The following PCDHA12 variants were observed in gnomAD, a reference collection of about 807,000 sequenced individuals.
PCDHA12 encodes the protein protocadherin alpha-12.
A neutral mutation model predicts 60.0 loss-of-function variants in PCDHA12; 44 were observed. That is an observed-to-expected ratio of 0.73 (90% CI 0.58 to 0.94). PCDHA12 has a LOEUF of 0.94. Among genes scored for constraint, PCDHA12 ranks in the 40% least tolerant of loss-of-function variants. The pLI, the probability that PCDHA12 is intolerant of heterozygous loss-of-function variation, is 0.00. For synonymous variants in PCDHA12, 569 were observed against 553.0 expected (o/e 1.03, Z -0.40); for missense variants, 1,276 against 1,239.7 (o/e 1.03, Z -0.44).
intron 1 of PCDHA12, among the ~76,000 whole-genome samples, chr5:140,942,239 T>C (rs1554214876): frequency 6.6e-6 from 1 of 152,156 alleles, no homozygotes; most frequent in African/African-American, 2.4e-5. Context: ...AAATAAGATA[T>C]CCATATCATT....
In PCDHA12 at chr5:141,011,905, G is replaced by C. The variant is rs1400272126; in HGVS notation, c.*1968G>C. 4 of 153,222 alleles carry C rather than the reference G, an allele frequency of 2.6e-5. No individual in the cohort carries two copies. Among genetic ancestry groups the C allele is most frequent in the African/African-American group, 9.7e-5 (4 of 41,224 alleles). The allele number at this position is 153,222 out of a possible 1,614,324, so 9.5% of individuals were successfully genotyped here. A position where few individuals can be genotyped will look rare whatever the true frequency, so the allele number is the denominator to read the frequency against. ...TTGATTAATTATATTATCTATTTAG[G>C]CATTAATATAAAAGAGGTAGGAGTC... On this transcript the variant is annotated 3_prime_UTR_variant, in exon 4 of 4. Coordinates refer to ENST00000398631, the MANE Select transcript of PCDHA12 (RefSeq NM_018903.4).
rs782182425 is a variant in PCDHA12 at position 140,876,300 on chromosome 5, A to C, written c.828A>C (p.Glu276Asp). The change falls in exon 1 of 4, where the codon GAA (glutamate) becomes GAC (aspartate). Residue 276 changes from glutamate to aspartate, a missense_variant. Physicochemically the swap from Glu to Asp is conservative, Grantham distance 45. Coordinates refer to ENST00000398631, the MANE Select transcript of PCDHA12 (RefSeq NM_018903.4). ...ATCCAGACGAAGGACTTAATGGAGA[A>C]ATTTCCTATGGGATCAAAATGATTT... ...ASDPDEGLNG[E>D]ISYGIKMILP... 2.1e-5 allele frequency: 34 copies of C among 1,613,966 alleles called. No individual in the cohort carries two copies. Among genetic ancestry groups the C allele is most frequent in the Non-Finnish European group, 2.9e-5 (34 of 1,179,910 alleles).
chr5:141,001,359 T>C (rs186629026), intron 3 of PCDHA12, among the ~76,000 whole-genome samples: 4 of 152,344 alleles, frequency 2.6e-5, no homozygotes, highest in Admixed American at 1.3e-4. Context: ...GGTTTAAGCC[T>C]ACTATTCTGA....
Position 140,877,553 on chromosome 5 carries a change from T to C in PCDHA12, c.2081T>C (p.Val694Ala), listed in dbSNP as rs781933436. The C allele has an allele frequency of 1.9e-6, 3 of 1,613,720 alleles. No individual in the cohort carries two copies. The South Asian group carries it at 3.3e-5, about 18-fold the overall frequency. The change falls in exon 1 of 4, where the codon GTG (valine) becomes GCG (alanine). Residue 694 changes from valine (V) to alanine (A), a missense_variant. Val to Ala is a moderately conservative substitution (Grantham distance 64). Coordinates refer to ENST00000398631, the MANE Select transcript of PCDHA12 (RefSeq NM_018903.4). ...VGAVDPEAAL[V>A]DINVYLIIAI... ...GCTGTGGATCCCGAAGCGGCTCTGG[T>C]GGATATTAACGTGTACCTCATCATC...
rs2056299947 is a variant in PCDHA12, at chr5:140,876,345, T to C, written c.873T>C (p.Cys291=). The C allele has an allele frequency of 6.2e-7, 1 of 1,614,024 alleles. No individual in the cohort carries two copies. The highest frequency in any genetic ancestry group is 8.5e-7 in the Non-Finnish European group (1 of 1,179,898). Residue 291 remains cysteine (C), a synonymous_variant, in exon 1 of 4, where the codon TGT becomes TGC. Coordinates refer to ENST00000398631, the MANE Select transcript of PCDHA12 (RefSeq NM_018903.4). The stretch of plus-strand genomic sequence containing the variant: ...TGATTTTGCCAGTGAGTGAGAAATG[T>C]ATGTTTTCAATAAATCCAGACACAG... ...IKMILPVSEK[C]MFSINPDTGE...
intron 2 of PCDHA12, 155 bp downstream of exon 2, chr5:140,979,162 T>C: frequency 2.1e-6 from 2 of 975,444 alleles, no homozygotes; most frequent in Non-Finnish European, 2.4e-6. Context: ...TGTTTATTCC[T>C]TGAAAGATCG....
At chr5:140,930,649 G>A (rs1300720133) in intron 1 of PCDHA12, among the ~76,000 whole-genome samples, 1 of 152,156 alleles carries the variant, frequency 6.6e-6, no homozygotes, top group Non-Finnish European at 1.5e-5. Context: ...GGAAAATGAA[G>A]CATTCCTTGT....
chr5:140,928,551 G>C, intron 1 of PCDHA12: 1 of 1,614,164 alleles, frequency 6.2e-7, no homozygotes, highest in Non-Finnish European at 8.5e-7. Context: ...ACAATTATCC[G>C]GTTATCTTGT....
At chr5:140,988,877 G>A (rs372950279) in intron 3 of PCDHA12, 8 of 152,310 alleles carry the variant, frequency 5.3e-5, no homozygotes, top group East Asian at 3.9e-4. Context: ...TCAGATGTAC[G>A]ATCCTGGATA....
intron 1 of PCDHA12, among the ~76,000 whole-genome samples, chr5:140,890,883 G>T (rs1339331273): frequency 1.3e-5 from 2 of 152,064 alleles, no homozygotes; most frequent in Non-Finnish European, 2.9e-5. Flanking sequence ...CCTTTCATCA[G>T]GGATTATTGT....
intron 1 of PCDHA12, among the ~76,000 whole-genome samples, chr5:140,959,620 G>GA (rs1247214459): frequency 4.6e-5 from 7 of 151,966 alleles, no homozygotes; most frequent in African/African-American, 1.4e-4. Context: ...GCTTGTGATA[G>GA]AAAAAAAGAG....
At chr5:140,882,823 T>C (rs2059326985) in intron 1 of PCDHA12, 1 of 1,614,160 alleles carries the variant, frequency 6.2e-7, no homozygotes, top group Non-Finnish European at 8.5e-7. Flanking sequence ...CACAAAACAG[T>C]CTTGAGCAAA....
intron 3 of PCDHA12, among the ~76,000 whole-genome samples, chr5:141,002,939 A>G (rs2098103546): frequency 6.6e-6 from 1 of 152,238 alleles, no homozygotes; most frequent in Admixed American, 6.5e-5. Context: ...AACACCCTCC[A>G]GCACATGCCC....
Position 140,876,248 on chromosome 5 carries a change from CAA to C in PCDHA12, c.777_778del (p.Arg260SerfsTer14), listed in dbSNP as rs782415667. On this transcript the variant is annotated frameshift_variant, in exon 1 of 4. Transcript: ENST00000398631. LOFTEE classifies it high-confidence loss of function. ...TTGTCTGAAAATGTCCAAAACGACA[CAA>C]GAGTGATCCAACTAAATGCTTCCGA... 1.9e-6 allele frequency: 3 copies of C among 1,613,868 alleles called. No homozygotes were observed. In the East Asian group the frequency reaches 6.7e-5, roughly 36 times the overall value.
intron 1 of PCDHA12, among the ~76,000 whole-genome samples, chr5:140,935,656 CTTTTA>C (rs1300447387): frequency 6.6e-6 from 1 of 151,868 alleles, no homozygotes; most frequent in African/African-American, 2.4e-5. Context: ...TTTTAATTTT[CTTTTA>C]TAATTATGTG....
At chr5:140,944,809 A>G (rs2093698274) in intron 1 of PCDHA12, among the ~76,000 whole-genome samples, 1 of 152,220 alleles carries the variant, frequency 6.6e-6, no homozygotes, top group African/African-American at 2.4e-5. Flanking sequence ...GAGGGTCCAC[A>G]GTGATCTTTG....
intron 1 of PCDHA12, among the ~76,000 whole-genome samples, chr5:140,973,273 C>T (rs1180418925): frequency 6.6e-6 from 1 of 152,150 alleles, no homozygotes; most frequent in Non-Finnish European, 1.5e-5. Context: ...ACTTTTATTT[C>T]CCCCAGCACT....
At chr5:140,965,538 A>G (rs1554227750) in intron 1 of PCDHA12, among the ~76,000 whole-genome samples, 1 of 151,958 alleles carries the variant, frequency 6.6e-6, no homozygotes, top group Non-Finnish European at 1.5e-5. Flanking sequence ...TGGAATCCAA[A>G]TTCCAGCCTG....
intron 1 of PCDHA12, chr5:140,883,186 C>T (rs782501193): frequency 1.4e-5 from 23 of 1,613,822 alleles, no homozygotes; most frequent in African/African-American, 2.7e-5. Context: ...GGACAAAAGG[C>T]AAACTAGATT....
Sources: gnomAD v4.1 joint callset for allele counts (sites outside exome capture counted in the v4.1 genomes callset) on GRCh38, gnomAD v4.1.1 for gene constraint, MANE v1.5 for transcripts, NCBI Gene and HGNC (gene_info 2026-07-23, HGNC 2026-07-21) for gene names.